LARGE1: variants seen among roughly 807,000 people sequenced by gnomAD.
LARGE1 encodes the protein xylosyl- and glucuronyltransferase LARGE1.
In LARGE1, 43 loss-of-function variants were observed where a neutral mutation model predicts 87.6. The observed-to-expected ratio is 0.49, with a 90% CI of 0.38 to 0.63. The LOEUF is 0.63. LARGE1 is among the 30% of genes least tolerant of loss of function. LARGE1 has a pLI of 0.00. For missense variants in LARGE1, 802 were observed against 1,000.2 expected, an observed-to-expected ratio of 0.80 and a Z score of 2.67; for synonymous variants, 434 against 394.6, an observed-to-expected ratio of 1.10 and a Z score of -1.18.
intron 6 of LARGE1, among the ~76,000 whole-genome samples, chr22:33,532,336 TTC>T (rs1251832375): frequency 2.0e-5 from 3 of 152,236 alleles, no homozygotes; most frequent in South Asian, 2.1e-4. Flanking sequence ...AGGAAAAATG[TTC>T]TGTTTTATAC....
chr22:33,351,824 C>T (rs1053099417), intron 9 of LARGE1, among the ~76,000 whole-genome samples: 11 of 151,838 alleles, frequency 7.2e-5, no homozygotes, highest in South Asian at 4.2e-4. Flanking sequence ...TCACTGCAAC[C>T]GCCTCCTGGG....
intron 2 of LARGE1, among the ~76,000 whole-genome samples, chr22:33,739,484 CCA>C (rs1296502952): frequency 6.6e-6 from 1 of 152,216 alleles, no homozygotes; most frequent in Non-Finnish European, 1.5e-5. Flanking sequence ...TACCCTGCAG[CCA>C]CGCAAGACAA....
chr22:33,286,129 G>T (rs1049513429), intron 12 of LARGE1, among the ~76,000 whole-genome samples: 4 of 152,226 alleles, frequency 2.6e-5, no homozygotes, highest in African/African-American at 9.6e-5. Flanking sequence ...TACTTAGCCA[G>T]TCTGAGGACC....
intron 1 of LARGE1, among the ~76,000 whole-genome samples, chr22:33,854,134 C>A (rs2063689260): frequency 7.4e-6 from 1 of 134,764 alleles, no homozygotes; most frequent in African/African-American, 2.8e-5. Context: ...AACGTGAAAG[C>A]AAATGAGTAT....
chr22:33,550,040 A>C (rs1244142332), intron 6 of LARGE1, among the ~76,000 whole-genome samples: 1 of 151,960 alleles, frequency 6.6e-6, no homozygotes, highest in Non-Finnish European at 1.5e-5. Context: ...AGAAATACCT[A>C]ATGTAAATGA....
At chr22:33,156,158 G>A in the LARGE1 span, among the ~76,000 whole-genome samples, 1 of 152,194 alleles carries the variant, frequency 6.6e-6, no homozygotes, top group African/African-American at 2.4e-5. Context: ...GGACATGAGG[G>A]TCAGAGTCCC....
chr22:33,626,836 C>T (rs772538380), intron 3 of LARGE1, among the ~76,000 whole-genome samples: 16 of 152,182 alleles, frequency 1.1e-4, no homozygotes, highest in Non-Finnish European at 1.9e-4. Flanking sequence ...GTTCAAAGAA[C>T]GGAAGACTGG....
At chr22:33,299,573 G>A (rs1204205185) in intron 12 of LARGE1, among the ~76,000 whole-genome samples, 1 of 152,152 alleles carries the variant, frequency 6.6e-6, no homozygotes, top group Non-Finnish European at 1.5e-5. Context: ...AATGGCGGGG[G>A]TTGGGTTGGG....
chr22:33,500,267 G>A (rs946933221), intron 6 of LARGE1, among the ~76,000 whole-genome samples: 1 of 152,172 alleles, frequency 6.6e-6, no homozygotes, highest in Non-Finnish European at 1.5e-5. Context: ...TTTGCCAACA[G>A]TTAGGTGCTA....
intron 11 of LARGE1, among the ~76,000 whole-genome samples, chr22:33,311,208 C>T (rs1935554219): frequency 6.6e-6 from 1 of 152,174 alleles, no homozygotes; most frequent in Non-Finnish European, 1.5e-5. Flanking sequence ...GATCTGCCTG[C>T]CTCAGCCTCC....
chr22:33,293,767 G>A (rs546098736), intron 12 of LARGE1, among the ~76,000 whole-genome samples: 1 of 152,294 alleles, frequency 6.6e-6, no homozygotes, highest in South Asian at 2.1e-4. Flanking sequence ...GGGAACATGT[G>A]TACTGATCCT....
chr22:33,148,994 A>G, the LARGE1 span, among the ~76,000 whole-genome samples: 1 of 150,658 alleles, frequency 6.6e-6, no homozygotes, highest in Non-Finnish European at 1.5e-5. Context: ...TTTGATTCAG[A>G]CATATTTTTT....
chr22:33,713,531 T>C (rs540798885), intron 2 of LARGE1, among the ~76,000 whole-genome samples: 4 of 152,250 alleles, frequency 2.6e-5, no homozygotes, highest in East Asian at 3.9e-4. Flanking sequence ...GCAAACCAGG[T>C]TGGCACTCTT....
chr22:33,484,677 CTT>C (rs903153797), intron 6 of LARGE1, among the ~76,000 whole-genome samples: 1 of 152,142 alleles, frequency 6.6e-6, no homozygotes, highest in African/African-American at 2.4e-5. Context: ...GTTGCTTTTA[CTT>C]TGTCTCCTCC....
intron 2 of LARGE1, among the ~76,000 whole-genome samples, chr22:33,718,053 T>C (rs2082965249): frequency 6.6e-6 from 1 of 152,230 alleles, no homozygotes; most frequent in Non-Finnish European, 1.5e-5. Context: ...TCAATCACAA[T>C]ATTGCAGTAG....
chr22:33,460,317 C>T (rs1474913505), intron 6 of LARGE1, among the ~76,000 whole-genome samples: 5 of 152,104 alleles, frequency 3.3e-5, no homozygotes, highest in South Asian at 2.1e-4. Context: ...CATATAGGTA[C>T]CTGGTACCCA....
chr22:33,104,090 A>G, the LARGE1 span, among the ~76,000 whole-genome samples: 12 of 152,150 alleles, frequency 7.9e-5, no homozygotes, highest in African/African-American at 2.7e-4. Context: ...TAATACAGAA[A>G]TGGATTTTTT....
chr22:33,253,728 C>A (rs1301198816), intron 11 of LARGE1, among the ~76,000 whole-genome samples: 1 of 152,082 alleles, frequency 6.6e-6, no homozygotes, highest in African/African-American at 2.4e-5. Flanking sequence ...AGCAGCACCT[C>A]GTGCAGCACT....
intron 9 of LARGE1, among the ~76,000 whole-genome samples, chr22:33,360,819 G>T (rs533592253): frequency 6.7e-6 from 1 of 149,904 alleles, no homozygotes; most frequent in African/African-American, 2.5e-5. Flanking sequence ...ACGAAGGCAG[G>T]TATCTTGTCC....
Sources: allele counts gnomAD v4.1 joint callset (sites outside exome capture counted in the v4.1 genomes callset), GRCh38; gene constraint gnomAD v4.1.1; transcripts MANE v1.5; gene names NCBI Gene and HGNC (gene_info 2026-07-23, HGNC 2026-07-21).